PLCB4: variants seen among roughly 807,000 people sequenced by gnomAD.
PLCB4 encodes the protein 1-phosphatidylinositol 4,5-bisphosphate phosphodiesterase beta-4.
In PLCB4, 77 loss-of-function variants were observed where a neutral mutation model predicts 178.8. The observed-to-expected ratio is 0.43, with a 90% CI of 0.36 to 0.52. The LOEUF is 0.52. Among genes scored for constraint, PLCB4 ranks in the 20% least tolerant of loss-of-function variants. The pLI is 0.00. For missense variants in PLCB4, 1,024 were observed against 1,453.4 expected (o/e 0.70, Z 4.80); for synonymous variants, 496 against 490.8 (o/e 1.01, Z -0.14).
At chr20:9,264,556 C>T (rs1467296552) in intron 3 of PLCB4, among the ~76,000 whole-genome samples, 3 of 152,118 alleles carry the variant, frequency 2.0e-5, no homozygotes, top group African/African-American at 7.2e-5. Context: ...TGTATAGTTT[C>T]ACTGGATCAT....
At chr20:9,082,949 A>G (rs998068696) in intron 1 of PLCB4, among the ~76,000 whole-genome samples, 7 of 152,154 alleles carry the variant, frequency 4.6e-5, no homozygotes, top group Admixed American at 1.3e-4. Context: ...ATTTTGTTTT[A>G]TGTTAATTTT....
chr20:9,243,779 C>T (rs2094093762), intron 3 of PLCB4, among the ~76,000 whole-genome samples: 1 of 152,154 alleles, frequency 6.6e-6, no homozygotes, highest in African/African-American at 2.4e-5. Context: ...ACTTCCTAGC[C>T]TCCTGCAACC....
intron 4 of PLCB4, among the ~76,000 whole-genome samples, chr20:9,313,549 A>T (rs2094861632): frequency 6.6e-6 from 1 of 152,214 alleles, no homozygotes; most frequent in South Asian, 2.1e-4. Flanking sequence ...AAAATGCGTT[A>T]AGTGGAGTTA....
intron 2 of PLCB4, among the ~76,000 whole-genome samples, chr20:9,149,683 A>G (rs1056883975): frequency 3.3e-5 from 5 of 151,544 alleles, no homozygotes; most frequent in African/African-American, 4.9e-5. Context: ...CTCATTGGCT[A>G]TGTGACTCTG....
intron 3 of PLCB4, among the ~76,000 whole-genome samples, chr20:9,295,606 A>G (rs887844473): frequency 6.6e-6 from 1 of 152,160 alleles, no homozygotes; most frequent in East Asian, 1.9e-4. Flanking sequence ...TATAAGGTGT[A>G]AGGAAGGGAT....
At chr20:9,268,157 G>A (rs1481219764) in intron 3 of PLCB4, among the ~76,000 whole-genome samples, 1 of 152,166 alleles carries the variant, frequency 6.6e-6, no homozygotes, top group Non-Finnish European at 1.5e-5. Flanking sequence ...AATTAATTCA[G>A]TAAAGACTTT....
At chr20:9,474,944 T>C (rs66955003) in intron 38 of PLCB4, among the ~76,000 whole-genome samples, 12,604 of 152,262 alleles carry the variant, frequency 0.083, 677 homozygotes, top group East Asian at 0.3. Flanking sequence ...TGGTACAAGT[T>C]ACCTAGCTTA....
At chr20:9,237,757 A>G (rs753162018) in intron 3 of PLCB4, among the ~76,000 whole-genome samples, 5 of 152,386 alleles carry the variant, frequency 3.3e-5, no homozygotes, top group Admixed American at 6.5e-5. Flanking sequence ...AAACACAGTT[A>G]GACACTTTTC....
intron 3 of PLCB4, among the ~76,000 whole-genome samples, chr20:9,233,056 A>T (rs2147361206): frequency 6.6e-6 from 1 of 152,258 alleles, no homozygotes; most frequent in East Asian, 1.9e-4. Flanking sequence ...TCAAAGGCTG[A>T]CAATGCCAAA....
At chr20:9,091,679 A>G (rs766118440) in intron 1 of PLCB4, among the ~76,000 whole-genome samples, 1 of 150,956 alleles carries the variant, frequency 6.6e-6, no homozygotes, top group Non-Finnish European at 1.5e-5. Flanking sequence ...TACTAGATGC[A>G]AAGTGCCTAA....
chr20:9,194,000 CTT>C (rs35490634), intron 2 of PLCB4, among the ~76,000 whole-genome samples: 3 of 150,678 alleles, frequency 2.0e-5, no homozygotes, highest in African/African-American at 7.3e-5. Flanking sequence ...GCATGAACTG[CTT>C]TTTTTTTTAA....
At chr20:9,371,653 CT>C (rs1462374352) in intron 10 of PLCB4, among the ~76,000 whole-genome samples, 4 of 152,296 alleles carry the variant, frequency 2.6e-5, no homozygotes, top group Admixed American at 1.3e-4. Flanking sequence ...CCAACACTGC[CT>C]CAACCAGGCA....
At chr20:9,144,704 GGGAAGA>G (rs2092561161) in intron 2 of PLCB4, among the ~76,000 whole-genome samples, 1 of 42,412 alleles carries the variant, frequency 2.4e-5, no homozygotes, top group African/African-American at 8.9e-5. Flanking sequence ...GGGGAAGGAG[GGGAAGA>G]AGGGGAAGAA....
chr20:9,114,978 A>G (rs949096524), intron 2 of PLCB4, among the ~76,000 whole-genome samples: 1 of 152,092 alleles, frequency 6.6e-6, no homozygotes, highest in Non-Finnish European at 1.5e-5. Flanking sequence ...ATGACTATGA[A>G]CTTCACAGAG....
At chr20:9,468,254 C>G (rs1449691132) in intron 35 of PLCB4, among the ~76,000 whole-genome samples, 1 of 151,802 alleles carries the variant, frequency 6.6e-6, no homozygotes, top group African/African-American at 2.4e-5. Flanking sequence ...CCTCCTTTTT[C>G]CAAAATACAG....
intron 35 of PLCB4, 79 bp downstream of exon 35, chr20:9,459,889 G>C: frequency 2.3e-6 from 2 of 883,588 alleles, no homozygotes; most frequent in South Asian, 3.4e-5. Flanking sequence ...AGAGAGCCAA[G>C]GTAATAAGTG....
At chr20:9,216,378 C>T (rs1478777711) in intron 2 of PLCB4, among the ~76,000 whole-genome samples, 14 of 151,908 alleles carry the variant, frequency 9.2e-5, no homozygotes, top group East Asian at 3.9e-4. Context: ...CCACCATGCC[C>T]GGCTAATTTT....
intron 16 of PLCB4, 54 bp downstream of exon 16, chr20:9,390,012 T>A: frequency 4.5e-6 from 4 of 886,166 alleles, no homozygotes; most frequent in Non-Finnish European, 7.5e-6. Flanking sequence ...TCCTAACCCC[T>A]AATGCCCACT....
chr20:9,423,661 C>T, intron 27 of PLCB4, 87 bp from the exon 28 acceptor site: 2 of 965,134 alleles, frequency 2.1e-6, no homozygotes, highest in Non-Finnish European at 3.3e-6. Flanking sequence ...CATTTAAGAA[C>T]AGCATGGATT....
Sources: allele counts gnomAD v4.1 joint callset (sites outside exome capture counted in the v4.1 genomes callset), GRCh38; gene constraint gnomAD v4.1.1; transcripts MANE v1.5; gene names NCBI Gene and HGNC (gene_info 2026-07-23, HGNC 2026-07-21).